BMP7: variants seen among roughly 807,000 people sequenced by gnomAD.
The protein encoded by BMP7 is osteogenic protein 1.
A neutral mutation model predicts 41.2 loss-of-function variants in BMP7; 12 were observed. The ratio of observed to expected loss-of-function variants is 0.29; its 90% CI spans 0.19 to 0.47. BMP7 has a LOEUF of 0.47. Ranked by LOEUF, BMP7 falls within the 20% of genes least tolerant of loss-of-function variation. The probability of loss-of-function intolerance (pLI) is 0.99; values close to 1 mark genes in which losing one functional copy is unlikely to be tolerated. For missense variants in BMP7, 467 were observed against 606.0 expected, an observed-to-expected ratio of 0.77 and a Z score of 2.41; for synonymous variants, 248 against 250.0, an observed-to-expected ratio of 0.99 and a Z score of 0.07.
rs578165611 is a variant in BMP7, at chr20:57,215,701, T to G, written c.611+12528A>C. The G allele has an allele frequency of 6.6e-6, 1 of 152,292 alleles. No individual in the cohort carries two copies. Among genetic ancestry groups the G allele is most frequent in the South Asian group, 2.1e-4 (1 of 4,826 alleles). 9.4% of individuals were successfully genotyped at this position (152,292 alleles called of 1,614,324 possible). On this transcript the variant is annotated intron_variant, in intron 2 of 6. Coordinates refer to ENST00000395863, the MANE Select transcript of BMP7 (RefSeq NM_001719.3). The surrounding 1 kb of genome is among the most constrained non-coding windows in gnomAD (Gnocchi z 4.2). ...ATGGGCAGCTGCCTGCATCTGGCAC[T>G]GTGGAGGTGGGCGGGCAGCCATGGA...
At chr20:57,256,970 AT>A (rs1446095526) in intron 1 of BMP7, among the ~76,000 whole-genome samples, 4 of 152,228 alleles carry the variant, frequency 2.6e-5, no homozygotes, top group African/African-American at 9.6e-5. Context: ...AAAAATAGAA[AT>A]TTTTGAAGTT....
intron 2 of BMP7, among the ~76,000 whole-genome samples, chr20:57,209,249 T>TTTATATA (rs1407204884): frequency 2.1e-5 from 2 of 94,876 alleles, no homozygotes; most frequent in Non-Finnish European, 4.3e-5. Flanking sequence ...TTATATATTT[T>TTTATATA]TATATATATA....
At chr20:57,241,577 A>G (rs1020012489) in intron 1 of BMP7, among the ~76,000 whole-genome samples, 5 of 152,032 alleles carry the variant, frequency 3.3e-5, no homozygotes, top group Non-Finnish European at 5.9e-5. Flanking sequence ...CAGCAATACC[A>G]CCTGGAGTCC....
At chr20:57,185,538 T>C (rs574832298) in intron 3 of BMP7, among the ~76,000 whole-genome samples, 6 of 152,144 alleles carry the variant, frequency 3.9e-5, no homozygotes, top group Non-Finnish European at 7.4e-5. Context: ...AGCTGGGAAA[T>C]AGAGGGTGGA....
intron 1 of BMP7, among the ~76,000 whole-genome samples, chr20:57,265,042 A>AAAAAAAAAAAAAG (rs1555819055): frequency 8.3e-6 from 1 of 120,156 alleles, no homozygotes; most frequent in Non-Finnish European, 1.6e-5. Flanking sequence ...AAAAAAAAAA[A>AAAAAAAAAAAAAG]AAAAGAAAAG....
chr20:57,175,125 G>C (rs1983894283), intron 4 of BMP7, 118 bp from the exon 5 acceptor site: 1 of 1,116,280 alleles, frequency 9.0e-7, no homozygotes, highest in Non-Finnish European at 1.3e-6. Context: ...AGACGGCTGG[G>C]GGGTAAATTT....
intron 2 of BMP7, among the ~76,000 whole-genome samples, chr20:57,220,320 A>G (rs1985159660): frequency 6.6e-6 from 1 of 152,202 alleles, no homozygotes. Flanking sequence ...GTAAGCCTGT[A>G]TTCCCCACCC....
chr20:57,246,853 G>A (rs761204778), intron 1 of BMP7, among the ~76,000 whole-genome samples: 3 of 152,066 alleles, frequency 2.0e-5, no homozygotes, highest in Non-Finnish European at 4.4e-5. Flanking sequence ...GCCGGGCATG[G>A]TGGCACGTGC....
intron 3 of BMP7, among the ~76,000 whole-genome samples, chr20:57,193,977 G>C (rs1355763715): frequency 6.6e-6 from 1 of 152,180 alleles, no homozygotes; most frequent in African/African-American, 2.4e-5. Flanking sequence ...GGACCCCACA[G>C]CCATGCCCAG....
Position 57,173,177 on chromosome 20 carries a change from C to T in BMP7, c.1146+23G>A, listed in dbSNP as rs996537016. The T allele has an allele frequency of 1.9e-6, 3 of 1,610,110 alleles. No individual in the cohort carries two copies. In the Admixed American group the frequency reaches 5.0e-5, roughly 27 times the overall value. On this transcript the variant is annotated intron_variant, in intron 6 of 6. Transcript: ENST00000395863. ...AGCCTGCCCGGCCCAGGTGACCACA[C>T]CCCAAGATGGCGTGACACCCACCAG... is the stretch of plus-strand genomic sequence containing the variant.
At chr20:57,187,705 C>T (rs1330705007) in intron 3 of BMP7, among the ~76,000 whole-genome samples, 2 of 152,194 alleles carry the variant, frequency 1.3e-5, no homozygotes, top group Non-Finnish European at 2.9e-5. Context: ...CCGGGTCTCT[C>T]CTGACATTGC....
chr20:57,254,700 A>G (rs961439708), intron 1 of BMP7, among the ~76,000 whole-genome samples: 1 of 151,580 alleles, frequency 6.6e-6, no homozygotes, highest in African/African-American at 2.4e-5. Context: ...CGCTGGGGCG[A>G]CTATTCCATA....
intron 1 of BMP7, among the ~76,000 whole-genome samples, chr20:57,234,469 T>A (rs1408443797): frequency 6.6e-6 from 1 of 152,196 alleles, no homozygotes; most frequent in African/African-American, 2.4e-5. Flanking sequence ...CTGCCCTTCC[T>A]GAAGTTTGGG....
intron 2 of BMP7, among the ~76,000 whole-genome samples, chr20:57,205,077 C>A (rs1331669827): frequency 6.6e-6 from 1 of 152,212 alleles, no homozygotes; most frequent in East Asian, 1.9e-4. Flanking sequence ...CAGACACTGA[C>A]CCTGCCAGCG....
In BMP7 at chr20:57,250,394, G is replaced by A. The variant is rs572639556; in HGVS notation, c.418+15311C>T. Among the ~76,000 whole-genome samples, 3 of 148,316 alleles carry A rather than the reference G, an allele frequency of 2.0e-5. No individual in the cohort carries two copies. The East Asian group carries it at 5.9e-4, about 29-fold the overall frequency. ...CACACACAAAAAATTAGCCAGGCAT[G>A]GTGATACATGCCTGTAGTTCCAGCT... On this transcript the variant is annotated intron_variant, in intron 1 of 6. Transcript: ENST00000395863.
chr20:57,195,073 G>A (rs999473589), intron 3 of BMP7, among the ~76,000 whole-genome samples: 2 of 152,242 alleles, frequency 1.3e-5, no homozygotes, highest in East Asian at 1.9e-4. Flanking sequence ...GGGCCCAGCC[G>A]TGCATCCTGG....
intron 3 of BMP7, among the ~76,000 whole-genome samples, chr20:57,200,557 G>C (rs1984595620): frequency 6.6e-6 from 1 of 152,206 alleles, no homozygotes; most frequent in Non-Finnish European, 1.5e-5. Context: ...GAACAGGCAA[G>C]ACAGAGAAGC....
intron 1 of BMP7, among the ~76,000 whole-genome samples, chr20:57,264,706 G>A (rs1458256224): frequency 6.6e-6 from 1 of 152,184 alleles, no homozygotes; most frequent in Non-Finnish European, 1.5e-5. Context: ...GATTCTGCCG[G>A]CCCGGGACCT....
intron 2 of BMP7, among the ~76,000 whole-genome samples, chr20:57,221,254 AG>A (rs1332907186): frequency 1.3e-5 from 2 of 152,154 alleles, no homozygotes; most frequent in Non-Finnish European, 2.9e-5. Flanking sequence ...GTGGAAAAAG[AG>A]GCGGCTCCAG....
Sources: allele counts gnomAD v4.1 joint callset (sites outside exome capture counted in the v4.1 genomes callset), GRCh38; gene constraint gnomAD v4.1.1; non-coding constraint Gnocchi (gnomAD v3.1); transcripts MANE v1.5; gene names NCBI Gene and HGNC (gene_info 2026-07-23, HGNC 2026-07-21).